The following CDH13 variants were observed in gnomAD, a reference collection of about 807,000 sequenced individuals.
The protein encoded by CDH13 is cadherin-13.
CDH13 carries 24 observed loss-of-function variants against 63.8 expected under a neutral mutation model. That is an observed-to-expected ratio of 0.38 (90% confidence interval 0.27 to 0.53). The LOEUF (loss-of-function observed/expected upper bound fraction) is 0.53, where lower values mean the gene tolerates loss of function less well. Ranked by LOEUF, CDH13 falls within the 20% of genes least tolerant of loss-of-function variation. CDH13 has a pLI of 0.85. For synonymous variants in CDH13, 503 were observed against 355.3 expected, an observed-to-expected ratio of 1.42 and a Z score of -4.67; for missense variants, 1,049 against 903.1, an observed-to-expected ratio of 1.16 and a Z score of -2.07.
intron 2 of CDH13, among the ~76,000 whole-genome samples, chr16:83,000,217 T>A: frequency 7.6e-6 from 1 of 131,600 alleles, no homozygotes; most frequent in East Asian, 2.1e-4. Flanking sequence ...TCCACAGGTT[T>A]AGCTTATTTT....
intron 1 of CDH13, among the ~76,000 whole-genome samples, chr16:82,830,640 C>G (rs1332466361): frequency 6.6e-6 from 1 of 152,216 alleles, no homozygotes; most frequent in Non-Finnish European, 1.5e-5. Context: ...CTTACCTGCT[C>G]AGTGTCTTCT....
intron 3 of CDH13, among the ~76,000 whole-genome samples, chr16:83,071,788 T>C (rs2032457023): frequency 6.6e-6 from 1 of 152,178 alleles, no homozygotes; most frequent in African/African-American, 2.4e-5. Context: ...GCATATATAA[T>C]AAATTTGAGA....
At chr16:83,321,418 A>G (rs746124105) in intron 5 of CDH13, among the ~76,000 whole-genome samples, 12 of 151,730 alleles carry the variant, frequency 7.9e-5, no homozygotes, top group Non-Finnish European at 1.2e-4. Context: ...CGCGGCCTCT[A>G]TGTTAACTAC....
At chr16:83,727,562 C>A (rs1218487759) in intron 10 of CDH13, among the ~76,000 whole-genome samples, 2 of 151,878 alleles carry the variant, frequency 1.3e-5, no homozygotes, top group East Asian at 3.9e-4. Flanking sequence ...AACCTTCCAA[C>A]CTTCCCGCAT....
At chr16:83,141,187 C>T (rs947040858) in intron 4 of CDH13, among the ~76,000 whole-genome samples, 2 of 152,196 alleles carry the variant, frequency 1.3e-5, no homozygotes, top group African/African-American at 4.8e-5. Context: ...AGGTGGCCTG[C>T]TCCAAATACC....
At chr16:83,148,721 A>T (rs2036854691) in intron 4 of CDH13, among the ~76,000 whole-genome samples, 1 of 152,192 alleles carries the variant, frequency 6.6e-6, no homozygotes, top group African/African-American at 2.4e-5. Context: ...TGTACGTAGG[A>T]GTTTTAGCAG....
intron 6 of CDH13, among the ~76,000 whole-genome samples, chr16:83,356,266 A>C (rs1025081029): frequency 8.0e-6 from 1 of 125,294 alleles, no homozygotes; most frequent in East Asian, 3.5e-4. Flanking sequence ...GTGTGTGTGT[A>C]GATGAGAAAG....
At chr16:83,468,893 C>A (rs1215676541) in intron 6 of CDH13, among the ~76,000 whole-genome samples, 1 of 152,188 alleles carries the variant, frequency 6.6e-6, no homozygotes, top group Non-Finnish European at 1.5e-5. Context: ...CACGCATTAG[C>A]CCAGTGTAAA....
chr16:82,987,088 G>A (rs1318885162), intron 2 of CDH13, among the ~76,000 whole-genome samples: 1 of 152,200 alleles, frequency 6.6e-6, no homozygotes, highest in Non-Finnish European at 1.5e-5. Context: ...TTTATGGAGA[G>A]GACATGTGAA....
At chr16:83,394,552 T>A (rs1467455339) in intron 6 of CDH13, among the ~76,000 whole-genome samples, 1 of 152,128 alleles carries the variant, frequency 6.6e-6, no homozygotes, top group Non-Finnish European at 1.5e-5. Flanking sequence ...CACATCCAAC[T>A]GTGCAGGCGT....
chr16:83,603,414 T>C (rs909614499), intron 8 of CDH13, among the ~76,000 whole-genome samples: 1 of 152,192 alleles, frequency 6.6e-6, no homozygotes, highest in Admixed American at 6.5e-5. Flanking sequence ...GATTTGACTG[T>C]GTGAGCCTGG....
chr16:82,843,189 C>G (rs189159085), intron 1 of CDH13, among the ~76,000 whole-genome samples: 3 of 152,270 alleles, frequency 2.0e-5, no homozygotes, highest in Non-Finnish European at 4.4e-5. Flanking sequence ...TTCTGTGTTT[C>G]TTGAAGATAG....
At chr16:83,607,778 T>G (rs998240849) in intron 8 of CDH13, among the ~76,000 whole-genome samples, 3 of 152,348 alleles carry the variant, frequency 2.0e-5, no homozygotes, top group Admixed American at 1.3e-4. Context: ...CTGTTAGTTT[T>G]GAACTTCTTA....
At chr16:83,062,994 G>T (rs960318489) in intron 3 of CDH13, among the ~76,000 whole-genome samples, 4 of 133,838 alleles carry the variant, frequency 3.0e-5, no homozygotes, top group African/African-American at 8.3e-5. Flanking sequence ...TCAGAGTATT[G>T]CTCTATTACC....
At chr16:82,995,516 G>A (rs373736606) in intron 2 of CDH13, among the ~76,000 whole-genome samples, 2 of 152,130 alleles carry the variant, frequency 1.3e-5, no homozygotes, top group South Asian at 2.1e-4. Flanking sequence ...AGATGGCATG[G>A]CAACAGGATG....
intron 11 of CDH13, among the ~76,000 whole-genome samples, chr16:83,765,942 T>G (rs1006473600): frequency 4.6e-5 from 7 of 152,142 alleles, no homozygotes; most frequent in African/African-American, 1.7e-4. Context: ...TATTGAAGGT[T>G]CAACAGATGC....
chr16:83,646,283 C>T (rs976587194), intron 8 of CDH13, among the ~76,000 whole-genome samples: 2 of 152,236 alleles, frequency 1.3e-5, no homozygotes, highest in African/African-American at 4.8e-5. Flanking sequence ...ACCTACCCCA[C>T]TGGGTGAGTA....
At chr16:83,426,671 G>A (rs182469343) in intron 6 of CDH13, among the ~76,000 whole-genome samples, 1 of 152,196 alleles carries the variant, frequency 6.6e-6, no homozygotes, top group African/African-American at 2.4e-5. Flanking sequence ...ATCATAGTCT[G>A]CCTACATGGT....
intron 10 of CDH13, among the ~76,000 whole-genome samples, chr16:83,694,387 G>T (rs1905181359): frequency 6.6e-6 from 1 of 152,186 alleles, no homozygotes; most frequent in Admixed American, 6.5e-5. Context: ...ACAAAACAGG[G>T]TTTTCTCCAA....
Sources: allele counts gnomAD v4.1 joint callset (sites outside exome capture counted in the v4.1 genomes callset), GRCh38; gene constraint gnomAD v4.1.1; transcripts MANE v1.5; gene names NCBI Gene and HGNC (gene_info 2026-07-23, HGNC 2026-07-21).